LMNTD1: variants seen among roughly 807,000 people sequenced by gnomAD.
LMNTD1 encodes the protein lamin tail domain-containing protein 1.
LMNTD1 carries 35 observed loss-of-function variants against 50.9 expected under a neutral mutation model. The ratio of observed to expected loss-of-function variants is 0.69; its 90% CI spans 0.53 to 0.91. The LOEUF (loss-of-function observed/expected upper bound fraction) is 0.91. LMNTD1 is among the 40% of genes least tolerant of loss of function. The pLI, the probability that LMNTD1 is intolerant of heterozygous loss-of-function variation, is 0.00. For missense variants in LMNTD1, 470 were observed against 475.5 expected (o/e 0.99, Z 0.11); for synonymous variants, 153 against 161.9 (o/e 0.94, Z 0.42).
intron 8 of LMNTD1, among the ~76,000 whole-genome samples, chr12:25,506,403 G>A (rs913041705): frequency 2.6e-5 from 4 of 152,200 alleles, no homozygotes; most frequent in East Asian, 1.9e-4. Flanking sequence ...CAGGCAAAGC[G>A]CATTCAACCA....
chr12:25,565,467 T>C (rs1944520452), intron 1 of LMNTD1, among the ~76,000 whole-genome samples: 1 of 152,190 alleles, frequency 6.6e-6, no homozygotes, highest in Non-Finnish European at 1.5e-5. Context: ...AAAAGAAAAC[T>C]AATAAAGACT....
At chr12:25,502,442 A>C (rs940889284) in intron 9 of LMNTD1, among the ~76,000 whole-genome samples, 1 of 152,248 alleles carries the variant, frequency 6.6e-6, no homozygotes, top group African/African-American at 2.4e-5. Flanking sequence ...CCAGGTAGAC[A>C]TAACTCAGGA....
At chr12:25,505,855 C>T (rs1939732540) in intron 8 of LMNTD1, among the ~76,000 whole-genome samples, 1 of 151,930 alleles carries the variant, frequency 6.6e-6, no homozygotes, top group Admixed American at 6.6e-5. Flanking sequence ...ACTAATTTAG[C>T]CATATATGTT....
chr12:25,604,677 C>A (rs1337886101), intron 1 of LMNTD1, among the ~76,000 whole-genome samples: 1 of 152,114 alleles, frequency 6.6e-6, no homozygotes, highest in Non-Finnish European at 1.5e-5. Context: ...AGGACATGAA[C>A]TCATCATTTT....
intron 1 of LMNTD1, among the ~76,000 whole-genome samples, chr12:25,597,502 A>G (rs935215817): frequency 6.6e-6 from 1 of 152,146 alleles, no homozygotes; most frequent in Non-Finnish European, 1.5e-5. Context: ...ACCCAGATAT[A>G]CAAAGCAAAT....
intron 1 of LMNTD1, among the ~76,000 whole-genome samples, chr12:25,589,982 A>G (rs1945647984): frequency 3.3e-5 from 5 of 152,206 alleles, no homozygotes; most frequent in Admixed American, 2.0e-4. Context: ...GAGAAGGGGC[A>G]GAGCAAGACA....
At chr12:25,599,074 A>T (rs2136502022) in intron 1 of LMNTD1, among the ~76,000 whole-genome samples, 1 of 152,218 alleles carries the variant, frequency 6.6e-6, no homozygotes, top group South Asian at 2.1e-4. Context: ...ACAAAATGCC[A>T]GCAAACAAAC....
chr12:25,569,990 C>T lies in LMNTD1; in HGVS notation c.59-23436G>A, dbSNP rs138109512. ...GTCTGCCTTTCACAAATGAGGCAAT[C>T]GATGCCTTTAGCAGTCAGATAATTG... On this transcript the variant is annotated intron_variant, in intron 1 of 7. Transcript: ENST00000445693. 3.5e-4 allele frequency among the ~76,000 whole-genome samples: 54 copies of T among 152,288 alleles called. No individual in the cohort carries two copies. The East Asian group carries it at 9.5e-3, about 27-fold the overall frequency.
chr12:25,500,465 C>A (rs1382920480), intron 9 of LMNTD1, among the ~76,000 whole-genome samples: 4 of 152,148 alleles, frequency 2.6e-5, no homozygotes, highest in African/African-American at 9.7e-5. Flanking sequence ...TAGCTCAGTT[C>A]ATGAAAAGAC....
intron 1 of LMNTD1, among the ~76,000 whole-genome samples, chr12:25,625,029 CA>C (rs11341306): frequency 0.5 from 75,527 of 151,962 alleles, 20,636 homozygotes; most frequent in Non-Finnish European, 0.63. Context: ...CATATATACA[CA>C]TGCACACATT....
chr12:25,619,252 CTATATATA>C (rs71450756), intron 1 of LMNTD1, among the ~76,000 whole-genome samples: 8,283 of 83,526 alleles, frequency 0.099, 361 homozygotes, highest in Non-Finnish European at 0.13. Context: ...CTCTCTCTCT[CTATATATA>C]TATATATATA....
intron 1 of LMNTD1, among the ~76,000 whole-genome samples, chr12:25,593,840 A>T (rs928029313): frequency 6.6e-6 from 1 of 152,188 alleles, no homozygotes; most frequent in East Asian, 1.9e-4. Flanking sequence ...TGAAGGGAGA[A>T]ATATTTGATT....
intron 1 of LMNTD1, among the ~76,000 whole-genome samples, chr12:25,598,247 C>T (rs1378727729): frequency 6.6e-6 from 1 of 151,942 alleles, no homozygotes; most frequent in Non-Finnish European, 1.5e-5. Context: ...AAACAATATG[C>T]TCCTGAATGA....
chr12:25,532,329 C>T (rs1000427571), intron 4 of LMNTD1, among the ~76,000 whole-genome samples: 2 of 152,144 alleles, frequency 1.3e-5, no homozygotes, highest in African/African-American at 2.4e-5. Context: ...GGACACTGTA[C>T]TGGTCTGTTT....
chr12:25,629,091 G>A (rs1457202999), intron 1 of LMNTD1, among the ~76,000 whole-genome samples: 1 of 150,470 alleles, frequency 6.6e-6, no homozygotes, highest in Non-Finnish European at 1.5e-5. Context: ...ATGTAGAAAT[G>A]TTTATTAAAG....
chr12:25,535,163 A>T (rs865991069), intron 4 of LMNTD1, among the ~76,000 whole-genome samples: 4 of 152,322 alleles, frequency 2.6e-5, no homozygotes, highest in Middle Eastern at 3.4e-3. Flanking sequence ...CATGACTGAG[A>T]TTTAAAAATA....
chr12:25,584,546 GCCAGCTCTAGT>G (rs1372858337), intron 1 of LMNTD1, among the ~76,000 whole-genome samples: 1 of 152,154 alleles, frequency 6.6e-6, no homozygotes, highest in African/African-American at 2.4e-5. Context: ...AATCCAGGTT[GCCAGCTCTAGT>G]CCAGAACTCC....
At chr12:25,602,073 C>A (rs918145249) in intron 1 of LMNTD1, among the ~76,000 whole-genome samples, 3 of 151,794 alleles carry the variant, frequency 2.0e-5, no homozygotes, top group African/African-American at 7.3e-5. Flanking sequence ...TTGACTATAT[C>A]TATCCATGCT....
intron 8 of LMNTD1, among the ~76,000 whole-genome samples, chr12:25,518,284 A>G (rs901749271): frequency 6.6e-6 from 1 of 152,174 alleles, no homozygotes; most frequent in Non-Finnish European, 1.5e-5. Context: ...TTTGTGAAAA[A>G]TGTAGCAAGT....
Sources: gnomAD v4.1 joint callset for allele counts (sites outside exome capture counted in the v4.1 genomes callset) on GRCh38, gnomAD v4.1.1 for gene constraint, MANE v1.5 for transcripts, NCBI Gene and HGNC (gene_info 2026-07-23, HGNC 2026-07-21) for gene names.